Variants in PEA15 observed in about 807,000 individuals in gnomAD.
PEA15 encodes the protein proliferation and apoptosis adaptor protein 15, also known as astrocytic phosphoprotein PEA-15.
For missense variants in PEA15, 77 were observed against 161.3 expected (o/e 0.48, Z 2.83); for synonymous variants, 60 against 61.8 (o/e 0.97, Z 0.13).
At chr1:160,210,006 G>C (rs1040400355) in intron 1 of PEA15, among the ~76,000 whole-genome samples, 2 of 152,190 alleles carry the variant, frequency 1.3e-5, no homozygotes, top group African/African-American at 4.8e-5. Flanking sequence ...TGTTTCTTGC[G>C]GGGGTCATGG....
At chr1:160,211,838 A>T in intron 2 of PEA15, 122 bp downstream of exon 2, 1 of 882,264 alleles carries the variant, frequency 1.1e-6, no homozygotes, top group Non-Finnish European at 1.7e-6. Flanking sequence ...AAGGCAGAAG[A>T]GAGGTGCTCT....
In PEA15 at chr1:160,205,971, C is replaced by G. The variant is rs1324406059; in HGVS notation, c.-3+449C>G. The G allele has an allele frequency of 6.6e-6, 1 of 152,200 alleles. No homozygotes were observed. Among genetic ancestry groups the G allele is most frequent in the Non-Finnish European group, 1.5e-5 (1 of 68,066 alleles). 9.4% of individuals were successfully genotyped at this position (152,200 alleles called of 1,614,324 possible). On this transcript the variant is annotated intron_variant, in intron 1 of 3. Coordinates refer to ENST00000360472, the MANE Select transcript of PEA15 (RefSeq NM_003768.5). This position sits in a 1 kb window ranked among gnomAD's most constrained non-coding sequence, Gnocchi z 5.9. ...GCACCTGGGGAAGAGGTGGGCTTGG[C>G]GGAAAGCTTGTCCAGAGGGAAGGAG...
chr1:160,209,944 C>T (rs1386103213), intron 1 of PEA15, among the ~76,000 whole-genome samples: 2 of 152,238 alleles, frequency 1.3e-5, no homozygotes, highest in Non-Finnish European at 2.9e-5. Context: ...CACTGCTGGG[C>T]CCTTCTGTCT....
At chr1:160,212,748 C>G (rs954020985) in intron 2 of PEA15, among the ~76,000 whole-genome samples, 10 of 115,456 alleles carry the variant, frequency 8.7e-5, no homozygotes, top group African/African-American at 3.4e-4. Flanking sequence ...CTGATACTTA[C>G]TTGGATGGAA....
intron 2 of PEA15, among the ~76,000 whole-genome samples, chr1:160,212,681 C>T (rs1015697506): frequency 1.3e-5 from 2 of 150,848 alleles, no homozygotes; most frequent in Admixed American, 1.3e-4. Context: ...CCCAGAATCT[C>T]TCCTGGGTTG....
chr1:160,208,371 G>A lies in PEA15; in HGVS notation c.-3+2849G>A, dbSNP rs901612385. On this transcript the variant is annotated intron_variant, in intron 1 of 3. Transcript: ENST00000360472. This position sits in a 1 kb window ranked among gnomAD's most constrained non-coding sequence, Gnocchi z 4.1. ...AGGAAGGAAGGTGTGAGGAAGCGGT[G>A]AGCCTAGCACAGAAAGCTGGGAGGG... 1 of 543,982 alleles carries A rather than the reference G, an allele frequency of 1.8e-6. No homozygotes were observed. Among genetic ancestry groups the A allele is most frequent in the Non-Finnish European group, 3.3e-6 (1 of 302,800 alleles). 33.7% of individuals were successfully genotyped at this position (543,982 alleles called of 1,614,324 possible). A position where few individuals can be genotyped will look rare whatever the true frequency, so the allele number is the denominator to read the frequency against.
intron 1 of PEA15, among the ~76,000 whole-genome samples, chr1:160,209,752 C>G: frequency 6.6e-6 from 1 of 152,146 alleles, no homozygotes; most frequent in Non-Finnish European, 1.5e-5. Flanking sequence ...TTCTTATCTC[C>G]ATCTCTAGTC....
At chr1:160,206,604 T>C (rs891211514) in intron 1 of PEA15, among the ~76,000 whole-genome samples, 4 of 151,850 alleles carry the variant, frequency 2.6e-5, no homozygotes, top group Non-Finnish European at 5.9e-5. Context: ...CAGCCAAGAA[T>C]GGAACCCAAG....
intron 1 of PEA15, chr1:160,211,259 G>C (rs1284678988): frequency 2.7e-6 from 3 of 1,091,110 alleles, no homozygotes; most frequent in African/African-American, 3.3e-5. Context: ...GGGAACTGTT[G>C]CCAGGGTTAC....
intron 1 of PEA15, among the ~76,000 whole-genome samples, chr1:160,210,471 C>T (rs1654822361): frequency 6.6e-6 from 1 of 152,214 alleles, no homozygotes; most frequent in Non-Finnish European, 1.5e-5. Context: ...AACATCTGAC[C>T]TTCTTTCTTC....
chr1:160,208,881 A>C lies in PEA15; in HGVS notation c.-2-2662A>C. ...TCCTCCCATCTAGTGGTGTCATCCT[A>C]ACGACTGGGGGTGGGGGGCACCCAG... On this transcript the variant is annotated intron_variant, in intron 1 of 3. Coordinates refer to ENST00000360472, the MANE Select transcript of PEA15 (RefSeq NM_003768.5). The surrounding 1 kb of genome is among the most constrained non-coding windows in gnomAD (Gnocchi z 4.1). 1.4e-3 allele frequency: 703 copies of C among 504,622 alleles called. No individual in the cohort carries two copies. The highest frequency in any genetic ancestry group is 2.0e-3 in the East Asian group (58 of 29,012). 31.3% of individuals were successfully genotyped at this position (504,622 alleles called of 1,614,324 possible). A position where few individuals can be genotyped will look rare whatever the true frequency, so the allele number is the denominator to read the frequency against.
chr1:160,211,652 TGAG>T lies in PEA15; in HGVS notation c.112_114del (p.Glu38del). 6.2e-7 allele frequency: 1 copy of T among 1,612,992 alleles called. No individual in the cohort carries two copies. The highest frequency in any genetic ancestry group is 8.5e-7 in the Non-Finnish European group (1 of 1,179,696). On this transcript the variant is annotated inframe_deletion, in exon 2 of 4. Coordinates refer to ENST00000360472, the MANE Select transcript of PEA15 (RefSeq NM_003768.5). ...AGGAAGACATCCCCAGCGAAAAGAG[TGAG>T]GAGATCACTACTGGCAGTGCCTGGT...
chr1:160,211,219 G>C, intron 1 of PEA15: 1 of 914,132 alleles, frequency 1.1e-6, no homozygotes, highest in East Asian at 8.7e-5. Flanking sequence ...GTCGGGAGCA[G>C]GTTGCTATGG....
intron 1 of PEA15, among the ~76,000 whole-genome samples, chr1:160,206,613 A>T (rs1436702986): frequency 6.6e-6 from 1 of 152,180 alleles, no homozygotes; most frequent in Non-Finnish European, 1.5e-5. Context: ...ATGGAACCCA[A>T]GTCAGAGAGA....
At chr1:160,211,418 A>C in intron 1 of PEA15, 125 bp from the exon 2 acceptor site, 1 of 1,359,474 alleles carries the variant, frequency 7.4e-7, no homozygotes, top group Non-Finnish European at 9.7e-7. Flanking sequence ...AGCCACCTCC[A>C]GCCTCCATGT....
Position 160,205,936 on chromosome 1 carries a change from C to G in PEA15, c.-3+414C>G, listed in dbSNP as rs907443673. 2.0e-5 allele frequency: 3 copies of G among 152,270 alleles called. No homozygotes were observed. Among genetic ancestry groups the G allele is most frequent in the Admixed American group, 2.0e-4 (3 of 15,292 alleles). The allele number at this position is 152,270 out of a possible 1,614,324, so 9.4% of individuals were successfully genotyped here. On this transcript the variant is annotated intron_variant, in intron 1 of 3. Transcript: ENST00000360472. This position sits in a 1 kb window ranked among gnomAD's most constrained non-coding sequence, Gnocchi z 5.9. The stretch of plus-strand genomic sequence containing the variant: ...CGGCTGGTACCATGTGCCCTCACCC[C>G]CAGCTCACTGCACCTGGGGAAGAGG...
intron 2 of PEA15, among the ~76,000 whole-genome samples, chr1:160,212,219 G>GA (rs140362191): frequency 0.36 from 54,210 of 151,856 alleles, 11,204 homozygotes; most frequent in East Asian, 0.53. Context: ...CTTTAGGGAA[G>GA]AATTGGTGTT....
Position 160,213,809 on chromosome 1 carries a change from C to T in PEA15, c.*323C>T, listed in dbSNP as rs1251475147. The T allele has an allele frequency of 9.3e-6, 3 of 322,862 alleles. No individual in the cohort carries two copies. The highest frequency in any genetic ancestry group is 6.3e-5 in the African/African-American group (3 of 47,314). 20.0% of individuals were successfully genotyped at this position (322,862 alleles called of 1,614,324 possible). A position where few individuals can be genotyped will look rare whatever the true frequency, so the allele number is the denominator to read the frequency against. On this transcript the variant is annotated 3_prime_UTR_variant, in exon 4 of 4. Transcript: ENST00000360472. This position sits in a 1 kb window ranked among gnomAD's most constrained non-coding sequence, Gnocchi z 5.3. ...CTCCTACTTCCCTTTCCTCCACTCC[C>T]CCCATATCTTTAAAGTGTGGAAGCA...
chr1:160,208,908 A>C lies in PEA15; in HGVS notation c.-2-2635A>C. The stretch of plus-strand genomic sequence containing the variant: ...CGACTGGGGGTGGGGGGCACCCAGA[A>C]CTGAGGTTGCTATAGTAACAGATGA... On this transcript the variant is annotated intron_variant, in intron 1 of 3. Coordinates refer to ENST00000360472, the MANE Select transcript of PEA15 (RefSeq NM_003768.5). The surrounding 1 kb of genome is among the most constrained non-coding windows in gnomAD (Gnocchi z 4.1). 1.9e-6 allele frequency: 1 copy of C among 523,844 alleles called. No homozygotes were observed. The highest frequency in any genetic ancestry group is 3.4e-6 in the Non-Finnish European group (1 of 291,248). The allele number at this position is 523,844 out of a possible 1,614,324, so 32.4% of individuals were successfully genotyped here.
Sources: allele counts gnomAD v4.1 joint callset (sites outside exome capture counted in the v4.1 genomes callset), GRCh38; gene constraint gnomAD v4.1.1; non-coding constraint Gnocchi (gnomAD v3.1); transcripts MANE v1.5; gene names NCBI Gene and HGNC (gene_info 2026-07-23, HGNC 2026-07-21).